MIS18BP1: variants seen among roughly 807,000 people sequenced by gnomAD.
The protein encoded by MIS18BP1 is MIS18 binding protein 1, also known as mis18-binding protein 1.
MIS18BP1 carries 72 observed loss-of-function variants against 116.1 expected under a neutral mutation model. That is an observed-to-expected ratio of 0.62 (90% CI 0.51 to 0.75). The LOEUF is 0.75. Among genes scored for constraint, MIS18BP1 ranks in the 30% least tolerant of loss-of-function variants. The pLI is 0.00. For missense variants in MIS18BP1, 1,363 were observed against 1,303.2 expected (o/e 1.05, Z -0.71); for synonymous variants, 386 against 427.0 (o/e 0.90, Z 1.18).
intron 1 of MIS18BP1, among the ~76,000 whole-genome samples, chr14:45,251,926 T>C (rs1026435769): frequency 2.6e-5 from 4 of 152,356 alleles, no homozygotes; most frequent in Admixed American, 1.3e-4. Flanking sequence ...TTTTTTCCTA[T>C]AGAAACATCT....
At chr14:45,243,883 CT>C (rs1485743832) in intron 2 of MIS18BP1, among the ~76,000 whole-genome samples, 1 of 152,058 alleles carries the variant, frequency 6.6e-6, no homozygotes. Flanking sequence ...TTTATATTTT[CT>C]GGGGGAAAGG....
chr14:45,223,328 C>A (rs986833830), intron 11 of MIS18BP1, among the ~76,000 whole-genome samples: 1 of 152,180 alleles, frequency 6.6e-6, no homozygotes, highest in Admixed American at 6.5e-5. Context: ...CCTATAATCC[C>A]AGCACTTTGG....
At chr14:45,228,701 C>A (rs182516785) in intron 8 of MIS18BP1, among the ~76,000 whole-genome samples, 1,578 of 152,302 alleles carry the variant, frequency 0.01, 34 homozygotes, top group African/African-American at 0.036. Context: ...GATGTACTGA[C>A]TAGTCCTTGC....
rs376814099 is a variant in MIS18BP1, at chr14:45,216,549, A to G, written c.3003+470T>C. ...CATTTGAATGAGTTGTTCATATCAC[A>G]GATACTACTAGCTTGGTTGTATTTG... On this transcript the variant is annotated intron_variant, in intron 13 of 16. Transcript: ENST00000310806. 1.3e-4 allele frequency among the ~76,000 whole-genome samples: 20 copies of G among 152,282 alleles called. No individual in the cohort carries two copies. The East Asian group carries it at 2.9e-3, about 22-fold the overall frequency.
rs746290049 is a variant in MIS18BP1, at chr14:45,242,869, C to A, written c.550G>T (p.Val184Phe). 1.3e-6 allele frequency: 2 copies of A among 1,593,046 alleles called. No individual in the cohort carries two copies. Among genetic ancestry groups the A allele is most frequent in the African/African-American group, 1.4e-5 (1 of 73,914 alleles). Reference protein sequence around the residue: ...QSDDSSLRASVQGVPLESSNN... With the variant: ...QSDDSSLRASFQGVPLESSNN... ...GATGATTCTAGAGGAACTCCTTGGA[C>A]TGAGGCTAAGGTTTTATTTTTTAAA... Residue 184 changes from valine (V) to phenylalanine (F), a missense_variant, in exon 3 of 17, where the codon GTC becomes TTC. By Grantham distance (50) the Val-to-Phe change is conservative (BLOSUM62 -1). Coordinates refer to ENST00000310806, the MANE Select transcript of MIS18BP1 (RefSeq NM_018353.5).
chr14:45,206,739 G>A (rs749879265), intron 14 of MIS18BP1, among the ~76,000 whole-genome samples: 36 of 152,088 alleles, frequency 2.4e-4, no homozygotes, highest in African/African-American at 8.0e-4. Flanking sequence ...TTTGCTTACC[G>A]TTCATTGTAC....
intron 8 of MIS18BP1, among the ~76,000 whole-genome samples, chr14:45,230,220 TG>T (rs1891237901): frequency 6.6e-6 from 1 of 152,330 alleles, no homozygotes; most frequent in Non-Finnish European, 1.5e-5. Flanking sequence ...TCATCTATAT[TG>T]TTTAGAAAGA....
intron 2 of MIS18BP1, among the ~76,000 whole-genome samples, chr14:45,245,371 CTT>C (rs1165758481): frequency 6.7e-6 from 1 of 148,574 alleles, no homozygotes; most frequent in Non-Finnish European, 1.5e-5. Context: ...TTTTTTATTT[CTT>C]TTTTTTTTGA....
chr14:45,225,756 T>C (rs1891108022), intron 10 of MIS18BP1, among the ~76,000 whole-genome samples: 3 of 152,164 alleles, frequency 2.0e-5, no homozygotes, highest in Non-Finnish European at 4.4e-5. Flanking sequence ...GAAGTCAAAC[T>C]AACTGAAACT....
At chr14:45,213,964 A>G (rs1297827235) in intron 13 of MIS18BP1, among the ~76,000 whole-genome samples, 1 of 152,186 alleles carries the variant, frequency 6.6e-6, no homozygotes, top group Non-Finnish European at 1.5e-5. Flanking sequence ...ATGCTTGTTA[A>G]AAGTCATCAC....
At chr14:45,215,209 C>T (rs1890782620) in intron 13 of MIS18BP1, among the ~76,000 whole-genome samples, 1 of 152,150 alleles carries the variant, frequency 6.6e-6, no homozygotes, top group South Asian at 2.1e-4. Flanking sequence ...AGACTTCCCT[C>T]TATAATCAGT....
chr14:45,208,655 T>C lies in MIS18BP1; in HGVS notation c.3152+1725A>G, dbSNP rs144210877. On this transcript the variant is annotated intron_variant, in intron 14 of 16. Coordinates refer to ENST00000310806, the MANE Select transcript of MIS18BP1 (RefSeq NM_018353.5). ...CCACGGATGAATATTTTAAGGCTTT[T>C]GATGAACTGGTCAAAGTGCTTATCA... Among the ~76,000 whole-genome samples, 34 of 152,244 alleles carry C rather than the reference T, an allele frequency of 2.2e-4. 1 individual carries two copies. The highest frequency in any genetic ancestry group is 7.2e-4 in the African/African-American group (30 of 41,544).
chr14:45,216,301 A>T lies in MIS18BP1; in HGVS notation c.3003+718T>A, dbSNP rs1396493620. On this transcript the variant is annotated intron_variant, in intron 13 of 16. Coordinates refer to ENST00000310806, the MANE Select transcript of MIS18BP1 (RefSeq NM_018353.5). Reference sequence around the variant, plus strand: ...TACAATTCAATTTGTATGCCCACTGATGTATGACTGTATCAGTATCACCAT... The same window carrying T: ...TACAATTCAATTTGTATGCCCACTGTTGTATGACTGTATCAGTATCACCAT... Among the ~76,000 whole-genome samples, 3 of 152,208 alleles carry T rather than the reference A, an allele frequency of 2.0e-5. No homozygotes were observed. In the East Asian group the frequency reaches 5.8e-4, roughly 29 times the overall value.
intron 6 of MIS18BP1, among the ~76,000 whole-genome samples, chr14:45,235,241 C>T (rs918561317): frequency 6.8e-6 from 1 of 147,058 alleles, no homozygotes; most frequent in African/African-American, 2.5e-5. Flanking sequence ...AGCCTCTTAA[C>T]ACTTCTGTAT....
intron 5 of MIS18BP1, 43 bp from the exon 6 acceptor site, chr14:45,235,987 T>C (rs770773269): frequency 2.1e-5 from 31 of 1,498,754 alleles, no homozygotes; most frequent in Middle Eastern, 1.7e-4. Context: ...AATATTCATA[T>C]AGAAATTTCT....
chr14:45,231,944 G>A (rs1393778891), intron 7 of MIS18BP1, among the ~76,000 whole-genome samples: 1 of 152,094 alleles, frequency 6.6e-6, no homozygotes, highest in Non-Finnish European at 1.5e-5. Flanking sequence ...AAAAAAAAAG[G>A]AGGAAGAACT....
chr14:45,248,864 G>C (rs1195864035), intron 1 of MIS18BP1, among the ~76,000 whole-genome samples: 1 of 152,134 alleles, frequency 6.6e-6, no homozygotes, highest in Non-Finnish European at 1.5e-5. Flanking sequence ...TGATGTGCTA[G>C]TTCCAGGGGT....
At position 45,224,581 on chromosome 14, in the gene MIS18BP1, T is replaced by A. The variant is rs142467402; in HGVS notation, c.2006A>T (p.Asn669Ile). The A allele has an allele frequency of 1.8e-5, 29 of 1,613,636 alleles. No individual in the cohort carries two copies. The African/African-American group carries it at 3.9e-4, about 22-fold the overall frequency. Reference sequence around the variant, plus strand: ...TGCTTTGATGGTGCCAGCGGACAGATTATACCTCATGCATCTTTGCTCTAT... The same window carrying A: ...TGCTTTGATGGTGCCAGCGGACAGAATATACCTCATGCATCTTTGCTCTAT... Reference protein sequence around the residue: ...KVIEQRCMRYNLSAGTIKAVT... With the variant: ...KVIEQRCMRYILSAGTIKAVT... Residue 669 changes from asparagine to isoleucine, a missense_variant, in exon 11 of 17, where the codon AAT (asparagine) becomes ATT (isoleucine). Asn to Ile is a moderately radical substitution (Grantham distance 149). Transcript: ENST00000310806.
In MIS18BP1 at chr14:45,203,440, T is replaced by A. The variant is rs1211233505; in HGVS notation, c.*669A>T. 1 of 152,146 alleles carries A rather than the reference T, an allele frequency of 6.6e-6. No individual in the cohort carries two copies. The highest frequency in any genetic ancestry group is 1.5e-5 in the Non-Finnish European group (1 of 67,990). 9.4% of individuals were successfully genotyped at this position (152,146 alleles called of 1,614,324 possible). On this transcript the variant is annotated 3_prime_UTR_variant, in exon 17 of 17. Coordinates refer to ENST00000310806, the MANE Select transcript of MIS18BP1 (RefSeq NM_018353.5). Reference sequence around the variant, plus strand: ...AATATTTAAGCTGTTTCTGCATATGTAAATAAGGCTTAAAAATTAGAGAAC... The same window carrying A: ...AATATTTAAGCTGTTTCTGCATATGAAAATAAGGCTTAAAAATTAGAGAAC...
Sources: gnomAD v4.1 joint callset for allele counts (sites outside exome capture counted in the v4.1 genomes callset) on GRCh38, gnomAD v4.1.1 for gene constraint, MANE v1.5 for transcripts, NCBI Gene and HGNC (gene_info 2026-07-23, HGNC 2026-07-21) for gene names.